Variants in TPR observed in about 807,000 individuals in gnomAD.
TPR encodes nucleoprotein TPR.
In TPR, 51 loss-of-function variants were observed where a neutral mutation model predicts 316.1. That is an observed-to-expected ratio of 0.16 (90% CI 0.13 to 0.20). The LOEUF (loss-of-function observed/expected upper bound fraction) is 0.20, where lower values mean the gene tolerates loss of function less well. TPR is among the 10% of genes least tolerant of loss of function. The pLI, the probability that TPR is intolerant of heterozygous loss-of-function variation, is 1.00. For missense variants in TPR, 2,272 were observed against 2,754.8 expected (o/e 0.82, Z 3.92); for synonymous variants, 981 against 914.7 (o/e 1.07, Z -1.31).
Position 186,373,446 on chromosome 1 carries a change from T to C in TPR, c.169A>G (p.Ile57Val). 6.2e-7 allele frequency: 1 copy of C among 1,612,834 alleles called. No individual in the cohort carries two copies. The highest frequency in any genetic ancestry group is 8.5e-7 in the Non-Finnish European group (1 of 1,179,412). Residue 57 changes from isoleucine to valine, a missense_variant, in exon 2 of 51, where the codon ATA becomes GTA. By Grantham distance (29) the Ile-to-Val change is conservative (BLOSUM62 3). This residue lies in a region of TPR where 549 missense variants were observed against 598.6 expected (regional missense o/e 0.92). Transcript: ENST00000367478. ...TGACTGTGGGACAACCTCTTTTCTA[T>C]TTCAAAATACTGTTGTTCTACAGCA... ...KVESEQQYFE[I>V]EKRLSHSQER...
chr1:186,322,233 G>T, intron 45 of TPR, 85 bp downstream of exon 45: 8 of 1,305,924 alleles, frequency 6.1e-6, no homozygotes, highest in Non-Finnish European at 8.5e-6. Flanking sequence ...AACAAACAAT[G>T]AGTTAACCAA....
Position 186,353,735 on chromosome 1 carries a change from T to C in TPR, c.2287A>G (p.Met763Val), listed in dbSNP as rs1409168564. ...TTTGCTCCTCTCAAATCTTGAGTCA[T>C]CGTATTGATAATCTGTTCTTGCTTT... is the stretch of plus-strand genomic sequence containing the variant. ...TQKQEQIINTMTQDLRGANEK... is the reference protein window; with the variant it reads ...TQKQEQIINTVTQDLRGANEK... Residue 763 changes from methionine to valine, a missense_variant, in exon 18 of 51, where the codon ATG (methionine) becomes GTG (valine). Coordinates refer to ENST00000367478, the MANE Select transcript of TPR (RefSeq NM_003292.3). The C allele has an allele frequency of 4.3e-6, 7 of 1,614,160 alleles. No individual in the cohort carries two copies. The highest frequency in any genetic ancestry group is 5.9e-6 in the Non-Finnish European group (7 of 1,180,016).
chr1:186,341,388 A>G lies in TPR; in HGVS notation c.3752T>C (p.Val1251Ala). 1 of 1,611,406 alleles carries G rather than the reference A, an allele frequency of 6.2e-7. No individual in the cohort carries two copies. The highest frequency in any genetic ancestry group is 8.5e-7 in the Non-Finnish European group (1 of 1,179,650). The change falls in exon 28 of 51, where the codon GTA (valine) becomes GCA (alanine). Residue 1251 changes from valine to alanine, a missense_variant and splice_region_variant. By Grantham distance (64) the Val-to-Ala change is moderately conservative. Coordinates refer to ENST00000367478, the MANE Select transcript of TPR (RefSeq NM_003292.3). ...ATGCTGAGCCATTGTTTTTGCAGTTACCTAAACATTTCAAATAAATATACA... is the reference window on the plus strand; with the variant it reads ...ATGCTGAGCCATTGTTTTTGCAGTTGCCTAAACATTTCAAATAAATATACA... ...SLNAEREKVQ[V>A]TAKTMAQHEE...
intron 41 of TPR, 53 bp from the exon 42 acceptor site, chr1:186,325,907 A>G (rs1259092242): frequency 6.3e-7 from 1 of 1,594,486 alleles, no homozygotes; most frequent in African/African-American, 1.4e-5. Flanking sequence ...TATGTTAAAA[A>G]AACCGGACAG....
intron 18 of TPR, among the ~76,000 whole-genome samples, chr1:186,352,756 A>G (rs1306277715): frequency 6.6e-6 from 1 of 152,202 alleles, no homozygotes; most frequent in African/African-American, 2.4e-5. Flanking sequence ...TAAGAGCATT[A>G]TAAGACATGG....
rs1209307622 is a variant in TPR at position 186,375,042 on chromosome 1, G to A, written c.-14C>T. ...CACCGCCGCCATGTCGGTGGGGCCA[G>A]GGACCCCAGTGGCAGCGGCCGACGG... On this transcript the variant is annotated 5_prime_UTR_variant, in exon 1 of 51. Transcript: ENST00000367478. 1.2e-6 allele frequency: 2 copies of A among 1,613,978 alleles called. No individual in the cohort carries two copies.
At chr1:186,325,883 T>C in intron 41 of TPR, 29 bp from the exon 42 acceptor site, 2 of 1,602,022 alleles carry the variant, frequency 1.2e-6, no homozygotes, top group Non-Finnish European at 8.5e-7. Context: ...AACATAATGC[T>C]CAAATAAAAT....
At position 186,331,560 on chromosome 1, in the gene TPR, T is replaced by C. The variant is rs1658166934; in HGVS notation, c.5626A>G (p.Ser1876Gly). The change falls in exon 39 of 51, where the codon AGT becomes GGT. Residue 1876 changes from serine (S) to glycine (G), a missense_variant. By Grantham distance (56) the Ser-to-Gly change is moderately conservative. Coordinates refer to ENST00000367478, the MANE Select transcript of TPR (RefSeq NM_003292.3). ...GTEEEVMAEE[S>G]TDGEVETQVY... ...TGAGTCTCTACCTCTCCATCAGTAC[T>C]TTCTTCTGCCATAACTTCTTCCTGT... 1.2e-6 allele frequency: 2 copies of C among 1,608,510 alleles called. No homozygotes were observed. Among genetic ancestry groups the C allele is most frequent in the African/African-American group, 1.3e-5 (1 of 74,640 alleles).
At chr1:186,325,622 G>T in intron 42 of TPR, 142 bp downstream of exon 42, 1 of 630,358 alleles carries the variant, frequency 1.6e-6, no homozygotes, top group Non-Finnish European at 2.6e-6. Flanking sequence ...TTTTATGAGA[G>T]CACAACAGTC....
chr1:186,362,237 C>G, intron 7 of TPR, 51 bp downstream of exon 7: 1 of 1,448,792 alleles, frequency 6.9e-7, no homozygotes, highest in Non-Finnish European at 9.6e-7. Context: ...ATAACAGCTT[C>G]GTAAGTGCTT....
chr1:186,340,964 TAA>T (rs1658492271), intron 29 of TPR, 62 bp downstream of exon 29: 1 of 1,565,096 alleles, frequency 6.4e-7, no homozygotes, highest in African/African-American at 1.4e-5. Flanking sequence ...TTTATTCCCC[TAA>T]GTTTCCCCTA....
In TPR at chr1:186,356,573, T is replaced by G; in HGVS notation, c.1725-124A>C. The G allele has an allele frequency of 1.1e-5, 10 of 932,774 alleles. 1 individual carries two copies. The South Asian group carries it at 2.1e-4, about 20-fold the overall frequency. The allele number at this position is 932,774 out of a possible 1,614,324, so 57.8% of individuals were successfully genotyped here. A position where few individuals can be genotyped will look rare whatever the true frequency, so the allele number is the denominator to read the frequency against. On this transcript the variant is annotated intron_variant, in intron 14 of 50. Transcript: ENST00000367478. ...ATACCATTTTTGTCTCTCTCATTAT[T>G]TTTTTTCATGCTGAGTATTTTATGA...
At chr1:186,338,698 C>T (rs1347941981) in intron 30 of TPR, among the ~76,000 whole-genome samples, 1 of 152,176 alleles carries the variant, frequency 6.6e-6, no homozygotes, top group African/African-American at 2.4e-5. Flanking sequence ...TCATTCTTAG[C>T]TTATAGGCTG....
chr1:186,370,516 T>G (rs781721405), intron 3 of TPR, among the ~76,000 whole-genome samples: 1 of 152,100 alleles, frequency 6.6e-6, no homozygotes, highest in Non-Finnish European at 1.5e-5. Context: ...AAATTATCTT[T>G]TAACACCAAA....
intron 22 of TPR, 68 bp from the exon 23 acceptor site, chr1:186,346,355 C>A: frequency 7.1e-7 from 1 of 1,408,144 alleles, no homozygotes. Flanking sequence ...TTATTTTCTC[C>A]AAATCAAAAC....
At chr1:186,360,234 G>A in intron 11 of TPR, 39 bp downstream of exon 11, 1 of 1,586,244 alleles carries the variant, frequency 6.3e-7, no homozygotes, top group South Asian at 1.1e-5. Context: ...TACATTTGCT[G>A]AAGAAAAAGA....
At chr1:186,328,163 T>C (rs1658055105) in intron 39 of TPR, among the ~76,000 whole-genome samples, 1 of 152,080 alleles carries the variant, frequency 6.6e-6, no homozygotes. Context: ...TGTCTTCCTA[T>C]AGAAGAATTA....
At chr1:186,338,598 T>C (rs1658409041) in intron 30 of TPR, among the ~76,000 whole-genome samples, 1 of 152,216 alleles carries the variant, frequency 6.6e-6, no homozygotes, top group African/African-American at 2.4e-5. Context: ...TCAAATTTTT[T>C]CTGTAAAAGG....
chr1:186,348,234 C>A (rs921975432), intron 21 of TPR, among the ~76,000 whole-genome samples: 2 of 152,058 alleles, frequency 1.3e-5, no homozygotes, highest in Non-Finnish European at 2.9e-5. Flanking sequence ...GAAAAGAATG[C>A]GTCCCTGGGG....
Sources: allele counts gnomAD v4.1 joint callset (sites outside exome capture counted in the v4.1 genomes callset), GRCh38; gene constraint gnomAD v4.1.1; regional missense constraint gnomAD v4.1.1; transcripts MANE v1.5; gene names NCBI Gene and HGNC (gene_info 2026-07-23, HGNC 2026-07-21).